CDC73: variants seen among roughly 807,000 people sequenced by gnomAD.
CDC73 encodes the protein cell division cycle 73.
Under a neutral mutation model 83.7 loss-of-function variants are expected in CDC73, and 21 were observed. The ratio of observed to expected loss-of-function variants is 0.25; its 90% CI spans 0.18 to 0.36. The LOEUF is 0.36. CDC73 is among the 10% of genes least tolerant of loss of function. CDC73 has a pLI of 1.00. For synonymous variants in CDC73, 224 were observed against 212.9 expected, an observed-to-expected ratio of 1.05 and a Z score of -0.45; for missense variants, 342 against 653.3, an observed-to-expected ratio of 0.52 and a Z score of 5.19.
chr1:193,250,410 T>TA (rs1231752972), intron 16 of CDC73, among the ~76,000 whole-genome samples: 1 of 151,890 alleles, frequency 6.6e-6, no homozygotes, highest in African/African-American at 2.4e-5. Flanking sequence ...GTATGCTCCT[T>TA]AAAATCTGTA....
rs1678080317 is a variant in CDC73, at chr1:193,253,703, CAGAA to C, written c.*2996_*2999del. 1 of 231,236 alleles carries C rather than the reference CAGAA, an allele frequency of 4.3e-6. No homozygotes were observed. The highest frequency in any genetic ancestry group is 8.5e-6 in the Non-Finnish European group (1 of 117,070). 14.3% of individuals were successfully genotyped at this position (231,236 alleles called of 1,614,324 possible). A position where few individuals can be genotyped will look rare whatever the true frequency, so the allele number is the denominator to read the frequency against. On this transcript the variant is annotated 3_prime_UTR_variant, in exon 17 of 17. Coordinates refer to ENST00000367435, the MANE Select transcript of CDC73 (RefSeq NM_024529.5). ...GAGGAAAATCTCATAATTTTTAAGGCAGAAAGAAGTATTAATTTTTGATCTGCCA... is the reference window on the plus strand; with the variant it reads ...GAGGAAAATCTCATAATTTTTAAGGCAGAAGTATTAATTTTTGATCTGCCA...
intron 10 of CDC73, among the ~76,000 whole-genome samples, chr1:193,192,357 C>T (rs1478865467): frequency 6.6e-6 from 1 of 152,160 alleles, no homozygotes; most frequent in African/African-American, 2.4e-5. Context: ...GCACGAGAAT[C>T]ACTTGGACCT....
At chr1:193,229,228 A>G (rs1677615325) in intron 13 of CDC73, among the ~76,000 whole-genome samples, 1 of 152,262 alleles carries the variant, frequency 6.6e-6, no homozygotes, top group African/African-American at 2.4e-5. Flanking sequence ...ACATAAGAGA[A>G]ATGAAAGCAT....
intron 10 of CDC73, among the ~76,000 whole-genome samples, chr1:193,174,530 A>G (rs1676571393): frequency 6.6e-6 from 1 of 152,142 alleles, no homozygotes; most frequent in South Asian, 2.1e-4. Flanking sequence ...CCATACTTTC[A>G]TATGGGTGTA....
intron 7 of CDC73, among the ~76,000 whole-genome samples, chr1:193,146,827 C>CTT (rs1331556189): frequency 6.6e-6 from 1 of 152,188 alleles, no homozygotes; most frequent in East Asian, 1.9e-4. Flanking sequence ...TGTACTTGTA[C>CTT]TTTCCAACTT....
At chr1:193,202,390 C>T (rs994106861) in intron 10 of CDC73, among the ~76,000 whole-genome samples, 3 of 150,974 alleles carry the variant, frequency 2.0e-5, no homozygotes, top group Non-Finnish European at 4.4e-5. Flanking sequence ...ATATGCTCTC[C>T]ACCTTATGAC....
chr1:193,214,576 G>A (rs1455399131), intron 13 of CDC73, among the ~76,000 whole-genome samples: 2 of 152,036 alleles, frequency 1.3e-5, no homozygotes, highest in African/African-American at 2.4e-5. Flanking sequence ...AAAATTAGCC[G>A]GGCATGGTGG....
chr1:193,248,344 T>G (rs1228134752), intron 15 of CDC73, among the ~76,000 whole-genome samples: 1 of 152,116 alleles, frequency 6.6e-6, no homozygotes, highest in East Asian at 1.9e-4. Flanking sequence ...TTTCAAAATA[T>G]TAGTGCTGAT....
intron 11 of CDC73, among the ~76,000 whole-genome samples, chr1:193,207,855 A>G (rs972944834): frequency 3.9e-5 from 6 of 152,242 alleles, no homozygotes; most frequent in Admixed American, 2.0e-4. Context: ...AAAGACAGGC[A>G]TAAGAAATTA....
At chr1:193,145,450 C>T (rs1675979422) in intron 7 of CDC73, among the ~76,000 whole-genome samples, 1 of 152,136 alleles carries the variant, frequency 6.6e-6, no homozygotes, top group South Asian at 2.1e-4. Flanking sequence ...TCTGAGAATA[C>T]AGCTGTCTTC....
rs1677685285 is a variant in CDC73, at chr1:193,232,889, A to G, written c.1155-104A>G. On this transcript the variant is annotated intron_variant, in intron 13 of 16. Coordinates refer to ENST00000367435, the MANE Select transcript of CDC73 (RefSeq NM_024529.5). ...CTGCACTCTAGCCTGGGCAATAAGA[A>G]AAAACTCTGTCTCAAAAAAAAAAAA... 12 of 1,012,896 alleles carry G rather than the reference A, an allele frequency of 1.2e-5. No homozygotes were observed. The South Asian group carries it at 1.6e-4, about 14-fold the overall frequency. 62.7% of individuals were successfully genotyped at this position (1,012,896 alleles called of 1,614,324 possible).
chr1:193,249,480 G>A (rs1678009302), intron 15 of CDC73, among the ~76,000 whole-genome samples: 1 of 151,874 alleles, frequency 6.6e-6, no homozygotes, highest in Non-Finnish European at 1.5e-5. Context: ...GCACTCTTAT[G>A]TTTCTGTGAT....
At chr1:193,202,784 T>G (rs1403615464) in intron 10 of CDC73, among the ~76,000 whole-genome samples, 9 of 152,028 alleles carry the variant, frequency 5.9e-5, no homozygotes, top group Non-Finnish European at 1.2e-4. Context: ...TAGTCATTTA[T>G]TTTTTTAAAA....
At chr1:193,199,710 C>CA (rs879633462) in intron 10 of CDC73, among the ~76,000 whole-genome samples, 1,780 of 74,870 alleles carry the variant, frequency 0.024, 24 homozygotes, top group African/African-American at 0.065. Flanking sequence ...GACTCCATCT[C>CA]AAAAAAAAAA....
At chr1:193,218,760 C>G (rs557564784) in intron 13 of CDC73, among the ~76,000 whole-genome samples, 1 of 152,190 alleles carries the variant, frequency 6.6e-6, no homozygotes, top group East Asian at 1.9e-4. Flanking sequence ...AAAATCAACT[C>G]AAGATGGATT....
chr1:193,126,973 G>A (rs1258721284), intron 2 of CDC73, among the ~76,000 whole-genome samples: 1 of 152,026 alleles, frequency 6.6e-6, no homozygotes, highest in East Asian at 1.9e-4. Context: ...GTTGTCTAAA[G>A]CAACTAAAAG....
intron 16 of CDC73, among the ~76,000 whole-genome samples, chr1:193,250,456 A>G (rs1462894968): frequency 6.6e-6 from 1 of 151,820 alleles, no homozygotes; most frequent in African/African-American, 2.4e-5. Flanking sequence ...TCTGTGAAAC[A>G]TATATTATTT....
intron 2 of CDC73, 137 bp from the exon 3 acceptor site, chr1:193,130,037 T>A (rs1675667052): frequency 1.6e-6 from 1 of 633,466 alleles, no homozygotes; most frequent in African/African-American, 1.8e-5. Flanking sequence ...TTTAGCCTAG[T>A]CATTTTTTAC....
intron 10 of CDC73, among the ~76,000 whole-genome samples, chr1:193,168,852 C>T (rs1211511244): frequency 6.6e-6 from 1 of 152,090 alleles, no homozygotes; most frequent in Non-Finnish European, 1.5e-5. Context: ...AGGCAGTCAT[C>T]GACAATAGGT....
Sources: gnomAD v4.1 joint callset for allele counts (sites outside exome capture counted in the v4.1 genomes callset) on GRCh38, gnomAD v4.1.1 for gene constraint, MANE v1.5 for transcripts, NCBI Gene and HGNC (gene_info 2026-07-23, HGNC 2026-07-21) for gene names.